The following PXDN variants were observed in gnomAD, a reference collection of about 807,000 sequenced individuals.
The protein encoded by PXDN is peroxidasin, also known as peroxidasin homolog.
PXDN carries 77 observed loss-of-function variants against 140.3 expected under a neutral mutation model. The ratio of observed to expected loss-of-function variants is 0.55; its 90% CI spans 0.46 to 0.66. The LOEUF is 0.66. Ranked by LOEUF, PXDN falls within the 30% of genes least tolerant of loss-of-function variation. PXDN has a pLI of 0.00. For missense variants in PXDN, 1,838 were observed against 2,039.5 expected (o/e 0.90, Z 1.90); for synonymous variants, 911 against 857.4 (o/e 1.06, Z -1.09).
rs1399737104 is a variant in PXDN, at chr2:1,660,679, C to T, written c.1837+202G>A. ...CTGCCCCGTGGATGGGCAGCAGGGCCTCCAGGTGCCTGTGTGGAGGGGAGG... is the reference window on the plus strand; with the variant it reads ...CTGCCCCGTGGATGGGCAGCAGGGCTTCCAGGTGCCTGTGTGGAGGGGAGG... On this transcript the variant is annotated intron_variant, in intron 14 of 22. Transcript: ENST00000252804. This position sits in a 1 kb window ranked among gnomAD's most constrained non-coding sequence, Gnocchi z 4.6. 6.6e-6 allele frequency among the ~76,000 whole-genome samples: 1 copy of T among 152,178 alleles called. No homozygotes were observed. The highest frequency in any genetic ancestry group is 1.9e-4 in the East Asian group (1 of 5,178).
At chr2:1,700,253 G>A (rs567607929) in intron 1 of PXDN, among the ~76,000 whole-genome samples, 2 of 152,156 alleles carry the variant, frequency 1.3e-5, no homozygotes, top group East Asian at 3.9e-4. Flanking sequence ...GTAGAGACGG[G>A]GTTTCGCCTT....
chr2:1,690,602 AG>A (rs1339278518), intron 3 of PXDN, among the ~76,000 whole-genome samples: 4 of 149,110 alleles, frequency 2.7e-5, no homozygotes, highest in African/African-American at 1.0e-4. Context: ...TCTACTTTCC[AG>A]GAAACAAAAG....
At chr2:1,661,200 G>C (rs919036469) in intron 13 of PXDN, among the ~76,000 whole-genome samples, 163 bp from the exon 14 acceptor site, 1 of 152,194 alleles carries the variant, frequency 6.6e-6, no homozygotes, top group Non-Finnish European at 1.5e-5. Flanking sequence ...AGGAGATGTG[G>C]TCAGTTCTCC....
intron 1 of PXDN, among the ~76,000 whole-genome samples, chr2:1,741,466 T>C (rs1308430327): frequency 6.6e-6 from 1 of 152,112 alleles, no homozygotes; most frequent in Non-Finnish European, 1.5e-5. Flanking sequence ...CCTTCACACT[T>C]GCAGCTGAGG....
Position 1,633,487 on chromosome 2 carries a change from GGA to G in PXDN, c.*715_*716del, listed in dbSNP as rs1682467507. On this transcript the variant is annotated 3_prime_UTR_variant, in exon 23 of 23. Transcript: ENST00000252804. ...TCAGGTGTGGAAGGAGCTGACACAC[GGA>G]GAGTCACAGGCTATACAGCTGCTTC... The G allele has an allele frequency of 2.0e-5, 3 of 152,142 alleles. No homozygotes were observed. The South Asian group carries it at 6.2e-4, about 32-fold the overall frequency. 9.4% of individuals were successfully genotyped at this position (152,142 alleles called of 1,614,324 possible). A position where few individuals can be genotyped will look rare whatever the true frequency, so the allele number is the denominator to read the frequency against.
intron 6 of PXDN, among the ~76,000 whole-genome samples, chr2:1,680,858 G>A (rs780535463): frequency 6.6e-6 from 1 of 152,178 alleles, no homozygotes; most frequent in Non-Finnish European, 1.5e-5. Context: ...GTGTGGGAAG[G>A]GGGGCTGCAT....
chr2:1,731,517 T>C (rs1040418594), intron 1 of PXDN, among the ~76,000 whole-genome samples: 1 of 152,182 alleles, frequency 6.6e-6, no homozygotes, highest in African/African-American at 2.4e-5. Flanking sequence ...GGATGGATGA[T>C]GGTGGAGCTT....
chr2:1,707,663 A>G (rs1684649702), intron 1 of PXDN, among the ~76,000 whole-genome samples: 1 of 152,208 alleles, frequency 6.6e-6, no homozygotes, highest in South Asian at 2.1e-4. Context: ...AGACGCAATA[A>G]CTACACAGAA....
chr2:1,644,193 C>T (rs1340847853), intron 18 of PXDN, among the ~76,000 whole-genome samples: 1 of 150,748 alleles, frequency 6.6e-6, no homozygotes, highest in African/African-American at 2.4e-5. Flanking sequence ...TTCAGGTCTG[C>T]TGAAATAGTT....
intron 1 of PXDN, among the ~76,000 whole-genome samples, chr2:1,720,272 G>A (rs113142541): frequency 2.2e-4 from 30 of 134,532 alleles, no homozygotes; most frequent in Non-Finnish European, 3.5e-4. Flanking sequence ...AGAGAGAGAG[G>A]GAGGGATGCA....
chr2:1,668,439 A>G (rs752983370), intron 9 of PXDN, among the ~76,000 whole-genome samples: 4 of 152,248 alleles, frequency 2.6e-5, no homozygotes, highest in Non-Finnish European at 4.4e-5. Context: ...AACAAAAGCC[A>G]AAAGTGACAA....
intron 1 of PXDN, among the ~76,000 whole-genome samples, chr2:1,706,748 T>A (rs1248764761): frequency 8.7e-6 from 1 of 114,806 alleles, no homozygotes; most frequent in East Asian, 2.5e-4. Context: ...AAGCATCACC[T>A]GCCCCACTAA....
chr2:1,727,806 TA>T (rs1404795889), intron 1 of PXDN, among the ~76,000 whole-genome samples: 2 of 152,222 alleles, frequency 1.3e-5, no homozygotes, highest in Admixed American at 6.5e-5. Context: ...ATAGTATAAT[TA>T]AATATAACAA....
At chr2:1,707,106 G>T (rs113226614) in intron 1 of PXDN, among the ~76,000 whole-genome samples, 7 of 74,530 alleles carry the variant, frequency 9.4e-5, no homozygotes, top group Non-Finnish European at 2.5e-5. Flanking sequence ...AGAGCACGCT[G>T]CAGTGCTCAC....
chr2:1,706,077 C>T (rs1286131933), intron 1 of PXDN, among the ~76,000 whole-genome samples: 1 of 152,158 alleles, frequency 6.6e-6, no homozygotes, highest in African/African-American at 2.4e-5. Context: ...AACTTGGATC[C>T]GACTGGATGC....
intron 6 of PXDN, among the ~76,000 whole-genome samples, chr2:1,681,013 G>C (rs1359602886): frequency 2.6e-5 from 4 of 152,330 alleles, no homozygotes; most frequent in Non-Finnish European, 5.9e-5. Flanking sequence ...CGCACACGGG[G>C]AAGAAGTTGT....
At chr2:1,684,264 C>T in intron 4 of PXDN, 113 bp from the exon 5 acceptor site, 3 of 770,114 alleles carry the variant, frequency 3.9e-6, no homozygotes, top group Middle Eastern at 3.1e-4. Context: ...ATAGATAGCT[C>T]ACTCACTAGA....
chr2:1,728,344 G>A (rs576693195), intron 1 of PXDN, among the ~76,000 whole-genome samples: 2 of 152,352 alleles, frequency 1.3e-5, no homozygotes, highest in South Asian at 2.1e-4. Context: ...AGGGTCCCTG[G>A]GCCCTCAGCA....
intron 4 of PXDN, among the ~76,000 whole-genome samples, chr2:1,686,745 C>G (rs748555435): frequency 2.0e-5 from 3 of 152,178 alleles, no homozygotes; most frequent in Non-Finnish European, 2.9e-5. Context: ...ACATGAGCAC[C>G]GTGGGTCCTC....
Sources: allele counts gnomAD v4.1 joint callset (sites outside exome capture counted in the v4.1 genomes callset), GRCh38; gene constraint gnomAD v4.1.1; non-coding constraint Gnocchi (gnomAD v3.1); transcripts MANE v1.5; gene names NCBI Gene and HGNC (gene_info 2026-07-23, HGNC 2026-07-21).